Variants in SYT16 observed in about 807,000 individuals in gnomAD.
SYT16 encodes synaptotagmin-16.
In SYT16, 42 loss-of-function variants were observed where a neutral mutation model predicts 61.4. The ratio of observed to expected loss-of-function variants is 0.68; its 90% confidence interval spans 0.53 to 0.89. The LOEUF is 0.89. Among genes scored for constraint, SYT16 ranks in the 40% least tolerant of loss-of-function variants. The pLI is 0.00. For synonymous variants in SYT16, 314 were observed against 302.3 expected, an observed-to-expected ratio of 1.04 and a Z score of -0.40; for missense variants, 804 against 807.3, an observed-to-expected ratio of 1.00 and a Z score of 0.05.
At chr14:61,969,044 A>T (rs1415210512) in intron 1 of SYT16, among the ~76,000 whole-genome samples, 3 of 152,034 alleles carry the variant, frequency 2.0e-5, no homozygotes, top group African/African-American at 4.8e-5. Flanking sequence ...AGGTGTTGAG[A>T]TTGGTTTGAT....
At chr14:61,987,744 CTTT>C (rs35325262) in intron 2 of SYT16, among the ~76,000 whole-genome samples, 2 of 65,718 alleles carry the variant, frequency 3.0e-5, no homozygotes, top group African/African-American at 4.8e-5. Context: ...GATTTTTTTC[CTTT>C]TTTTTTTTTT....
chr14:61,846,766 T>TA (rs948205999), intron 1 of SYT16, among the ~76,000 whole-genome samples: 13 of 150,436 alleles, frequency 8.6e-5, no homozygotes, highest in African/African-American at 2.7e-4. Flanking sequence ...TTAGTGAAGG[T>TA]AATTTTTTTC....
At chr14:62,024,899 T>A (rs2054044022) in intron 3 of SYT16, among the ~76,000 whole-genome samples, 1 of 152,106 alleles carries the variant, frequency 6.6e-6, no homozygotes, top group African/African-American at 2.4e-5. Flanking sequence ...TATAGGTGTT[T>A]CACGTGGGCT....
At chr14:61,967,238 A>G (rs78912813) in intron 1 of SYT16, among the ~76,000 whole-genome samples, 6,419 of 152,216 alleles carry the variant, frequency 0.042, 164 homozygotes, top group African/African-American at 0.073. Context: ...GATGTTGGAG[A>G]ATGATGAGCG....
At chr14:62,082,979 G>A (rs1053080573) in intron 6 of SYT16, among the ~76,000 whole-genome samples, 1 of 152,202 alleles carries the variant, frequency 6.6e-6, no homozygotes, top group African/African-American at 2.4e-5. Flanking sequence ...AGTGACAGGT[G>A]CCACAGCGGG....
intron 3 of SYT16, among the ~76,000 whole-genome samples, chr14:62,049,377 T>C (rs2055162568): frequency 6.6e-6 from 1 of 152,186 alleles, no homozygotes. Context: ...TGTCTCTGCA[T>C]GTGAGATGGG....
chr14:61,872,403 G>C (rs1039369858), intron 1 of SYT16, among the ~76,000 whole-genome samples: 1 of 151,736 alleles, frequency 6.6e-6, no homozygotes, highest in African/African-American at 2.4e-5. Flanking sequence ...TGGATATCTG[G>C]TTTATTTATA....
chr14:61,857,915 A>G (rs1183307555), intron 1 of SYT16, among the ~76,000 whole-genome samples: 1 of 151,216 alleles, frequency 6.6e-6, no homozygotes, highest in Non-Finnish European at 1.5e-5. Context: ...TGACAGGGGG[A>G]AAAAACATTC....
In SYT16 at chr14:62,108,471, A is replaced by G. The variant is rs2057549969; in HGVS notation, c.*7764A>G. The G allele has an allele frequency of 6.6e-6, 1 of 152,192 alleles. No individual in the cohort carries two copies. Among genetic ancestry groups the G allele is most frequent in the Admixed American group, 6.5e-5 (1 of 15,276 alleles). The allele number at this position is 152,192 out of a possible 1,614,324, so 9.4% of individuals were successfully genotyped here. ...AAGATATTTTCATGTAAGTTATTTT[A>G]AGATAGTTGCATTCTAGGACCATGT... On this transcript the variant is annotated 3_prime_UTR_variant, in exon 8 of 8. Coordinates refer to ENST00000683842, the MANE Select transcript of SYT16 (RefSeq NM_001367656.1).
At chr14:62,026,046 A>G (rs1458202262) in intron 3 of SYT16, among the ~76,000 whole-genome samples, 1 of 152,158 alleles carries the variant, frequency 6.6e-6, no homozygotes, top group African/African-American at 2.4e-5. Flanking sequence ...TCATTAAAAA[A>G]TTAGGTAGCT....
chr14:61,820,049 A>G (rs921622422), intron 1 of SYT16, among the ~76,000 whole-genome samples: 5 of 152,208 alleles, frequency 3.3e-5, no homozygotes, highest in African/African-American at 9.7e-5. Context: ...CATTGATTCC[A>G]TTTTTTGTGT....
chr14:62,108,929 T>C lies in SYT16; in HGVS notation c.*8222T>C, dbSNP rs940807813. The C allele has an allele frequency of 2.0e-5, 3 of 152,324 alleles. No individual in the cohort carries two copies. The highest frequency in any genetic ancestry group is 7.2e-5 in the African/African-American group (3 of 41,570). The allele number at this position is 152,324 out of a possible 1,614,324, so 9.4% of individuals were successfully genotyped here. On this transcript the variant is annotated 3_prime_UTR_variant, in exon 8 of 8. Coordinates refer to ENST00000683842, the MANE Select transcript of SYT16 (RefSeq NM_001367656.1). ...TCACAGCAAAATTGATCCTAAAATA[T>C]AGAGTTCTCATATACTCCAAACACA...
chr14:61,964,959 A>G (rs1268399326), intron 1 of SYT16, among the ~76,000 whole-genome samples: 1 of 151,976 alleles, frequency 6.6e-6, no homozygotes, highest in Non-Finnish European at 1.5e-5. Flanking sequence ...TTTTAAAGAT[A>G]TCCTGCTATT....
intron 1 of SYT16, among the ~76,000 whole-genome samples, chr14:61,852,462 A>C (rs2046646062): frequency 1.3e-5 from 2 of 152,184 alleles, no homozygotes; most frequent in African/African-American, 2.4e-5. Flanking sequence ...AAAGAACATC[A>C]ATGGTAGTTT....
At chr14:62,083,550 C>T (rs2056782784) in intron 6 of SYT16, among the ~76,000 whole-genome samples, 1 of 152,190 alleles carries the variant, frequency 6.6e-6, no homozygotes, top group Non-Finnish European at 1.5e-5. Flanking sequence ...TTGGTGCCTG[C>T]CAGGTCGCTG....
intron 7 of SYT16, among the ~76,000 whole-genome samples, chr14:62,094,788 T>A (rs1402393471): frequency 6.6e-6 from 1 of 151,746 alleles, no homozygotes; most frequent in Non-Finnish European, 1.5e-5. Context: ...AGTTCAGGAG[T>A]ATAAGGCATT....
rs943369588 is a variant in SYT16, at chr14:62,110,722, A to G, written c.*10015A>G. On this transcript the variant is annotated 3_prime_UTR_variant, in exon 8 of 8. Coordinates refer to ENST00000683842, the MANE Select transcript of SYT16 (RefSeq NM_001367656.1). ...CAAACTGCAAATCCATGTTTTCAGC[A>G]GGTTCGCCAACCTTTGAGTTGAATG... 15 of 152,104 alleles carry G rather than the reference A, an allele frequency of 9.9e-5. No individual in the cohort carries two copies. The highest frequency in any genetic ancestry group is 3.6e-4 in the African/African-American group (15 of 41,458). 9.4% of individuals were successfully genotyped at this position (152,104 alleles called of 1,614,324 possible).
At chr14:62,112,657 A>T (rs1394275270), downstream of SYT16, 1 of 152,216 alleles carries the variant, frequency 6.6e-6, no homozygotes. Flanking sequence ...TATATACAAA[A>T]ACCATTAACT....
At chr14:61,939,150 C>CA (rs1382404458) in intron 1 of SYT16, among the ~76,000 whole-genome samples, 3 of 151,846 alleles carry the variant, frequency 2.0e-5, no homozygotes, top group East Asian at 1.9e-4. Flanking sequence ...AAAACAAAAA[C>CA]AAAAAAACCA....
Sources: allele counts gnomAD v4.1 joint callset (sites outside exome capture counted in the v4.1 genomes callset), GRCh38; gene constraint gnomAD v4.1.1; transcripts MANE v1.5; gene names NCBI Gene and HGNC (gene_info 2026-07-23, HGNC 2026-07-21).